SRPK2: variants seen among roughly 807,000 people sequenced by gnomAD.
SRPK2 encodes the protein SRSF protein kinase 2, also known as SFRS protein kinase 2.
Under a neutral mutation model 90.8 loss-of-function variants are expected in SRPK2, and 21 were observed. The ratio of observed to expected loss-of-function variants is 0.23; its 90% CI spans 0.16 to 0.33. The LOEUF (loss-of-function observed/expected upper bound fraction) is 0.33. Ranked by LOEUF, SRPK2 falls within the 10% of genes least tolerant of loss-of-function variation. The pLI is 1.00. For synonymous variants in SRPK2, 288 were observed against 311.1 expected (o/e 0.93, Z 0.78); for missense variants, 620 against 869.0 (o/e 0.71, Z 3.60).
intron 2 of SRPK2, among the ~76,000 whole-genome samples, chr7:105,325,214 C>T (rs537237171): frequency 6.6e-6 from 1 of 152,190 alleles, no homozygotes; most frequent in East Asian, 1.9e-4. Flanking sequence ...TAAAGAGCAC[C>T]TTTGAAACTA....
chr7:105,162,159 G>A (rs1667781367), intron 6 of SRPK2, among the ~76,000 whole-genome samples: 1 of 151,996 alleles, frequency 6.6e-6, no homozygotes, highest in African/African-American at 2.4e-5. Flanking sequence ...CTCCTACCTC[G>A]GCCTCCCAAA....
chr7:105,182,432 T>G (rs1322836585), intron 3 of SRPK2, among the ~76,000 whole-genome samples: 2 of 147,758 alleles, frequency 1.4e-5, no homozygotes, highest in African/African-American at 5.0e-5. Flanking sequence ...GCAAAACTTG[T>G]GACTTTGTTT....
At chr7:105,226,149 A>AT (rs1313352851) in intron 2 of SRPK2, among the ~76,000 whole-genome samples, 3 of 152,162 alleles carry the variant, frequency 2.0e-5, no homozygotes, top group Non-Finnish European at 1.5e-5. Context: ...TATTAGATCT[A>AT]TTTTTTCAAT....
intron 1 of SRPK2, among the ~76,000 whole-genome samples, chr7:105,397,680 A>G (rs1822370328): frequency 1.4e-5 from 2 of 145,900 alleles, no homozygotes; most frequent in African/African-American, 2.6e-5. Flanking sequence ...GTCTCACTCT[A>G]TCACCCAGGC....
At chr7:105,383,686 G>A (rs1821218572) in intron 2 of SRPK2, among the ~76,000 whole-genome samples, 1 of 152,058 alleles carries the variant, frequency 6.6e-6, no homozygotes, top group Non-Finnish European at 1.5e-5. Flanking sequence ...CCAAAGTGCT[G>A]GGATTACAGG....
At chr7:105,391,819 G>A (rs1822190546), upstream of SRPK2, among the ~76,000 whole-genome samples, 1 of 152,200 alleles carries the variant, frequency 6.6e-6, no homozygotes, top group Admixed American at 6.6e-5. Context: ...TTCTCAGAAA[G>A]CTAATTATAG....
chr7:105,380,285 C>T (rs1029767337), intron 2 of SRPK2, among the ~76,000 whole-genome samples: 3 of 152,052 alleles, frequency 2.0e-5, no homozygotes, highest in Non-Finnish European at 4.4e-5. Flanking sequence ...GCATGTGCCA[C>T]CACTCCCAGC....
At chr7:105,216,604 G>A (rs542612820) in intron 2 of SRPK2, among the ~76,000 whole-genome samples, 8 of 150,300 alleles carry the variant, frequency 5.3e-5, no homozygotes, top group Non-Finnish European at 1.0e-4. Context: ...GCAGTGAGCC[G>A]AGATCGCACC....
intron 2 of SRPK2, among the ~76,000 whole-genome samples, chr7:105,379,438 C>A (rs1408061580): frequency 6.6e-6 from 1 of 151,956 alleles, no homozygotes; most frequent in Non-Finnish European, 1.5e-5. Context: ...CAGAACCAAT[C>A]CTCCAAGCGT....
intron 2 of SRPK2, among the ~76,000 whole-genome samples, chr7:105,267,271 C>T (rs1403988766): frequency 1.3e-5 from 2 of 152,172 alleles, no homozygotes; most frequent in Non-Finnish European, 2.9e-5. Flanking sequence ...TTCATCCACT[C>T]TGTCCAACCC....
intron 2 of SRPK2, among the ~76,000 whole-genome samples, chr7:105,213,615 T>C (rs1283875785): frequency 6.6e-6 from 1 of 152,154 alleles, no homozygotes; most frequent in Non-Finnish European, 1.5e-5. Flanking sequence ...AGCACATACA[T>C]ATACAAAAGT....
chr7:105,120,459 TCATC>T (rs1470136629), intron 15 of SRPK2, among the ~76,000 whole-genome samples: 7 of 152,194 alleles, frequency 4.6e-5, no homozygotes, highest in Non-Finnish European at 1.0e-4. Flanking sequence ...GAGAAACTAT[TCATC>T]CATAACTAGG....
intron 13 of SRPK2, among the ~76,000 whole-genome samples, chr7:105,130,539 GA>G: frequency 6.6e-6 from 1 of 152,072 alleles, no homozygotes; most frequent in South Asian, 2.1e-4. Context: ...AACAGAGCAA[GA>G]CCTTGTCTCC....
intron 2 of SRPK2, among the ~76,000 whole-genome samples, chr7:105,329,575 C>G (rs1814026690): frequency 6.9e-6 from 1 of 144,546 alleles, no homozygotes; most frequent in Non-Finnish European, 1.5e-5. Context: ...GCCTGGACGA[C>G]AGAGTGAGAC....
intron 2 of SRPK2, among the ~76,000 whole-genome samples, chr7:105,377,315 T>C (rs1224427351): frequency 2.0e-5 from 3 of 152,062 alleles, no homozygotes; most frequent in Non-Finnish European, 4.4e-5. Flanking sequence ...CCAATATATA[T>C]CACCCTCAAC....
intron 7 of SRPK2, 92 bp downstream of exon 7, chr7:105,160,415 T>C (rs192511994): frequency 1.2e-4 from 86 of 702,918 alleles, no homozygotes; most frequent in Non-Finnish European, 2.1e-4. Context: ...CTGATACATA[T>C]GTAATACATA....
chr7:105,388,922 G>GCGC (rs754679660), upstream of SRPK2: 14,239 of 1,203,610 alleles, frequency 0.012, 345 homozygotes, highest in African/African-American at 0.1. Flanking sequence ...AACCGCGCCT[G>GCGC]CGCCGCCGCC....
intron 3 of SRPK2, among the ~76,000 whole-genome samples, chr7:105,194,156 C>A (rs1014956597): frequency 6.6e-5 from 10 of 151,858 alleles, no homozygotes; most frequent in Non-Finnish European, 1.2e-4. Flanking sequence ...CTAATAAATC[C>A]TTCCCTACTC....
chr7:105,290,797 G>C (rs1162996736), intron 2 of SRPK2, among the ~76,000 whole-genome samples: 3 of 151,896 alleles, frequency 2.0e-5, no homozygotes, highest in Non-Finnish European at 4.4e-5. Flanking sequence ...CCAGCACTTT[G>C]GGAGGCCGAG....
Sources: allele counts gnomAD v4.1 joint callset (sites outside exome capture counted in the v4.1 genomes callset), GRCh38; gene constraint gnomAD v4.1.1; transcripts MANE v1.5; gene names NCBI Gene and HGNC (gene_info 2026-07-23, HGNC 2026-07-21).